The following TWIST2 variants were observed in gnomAD, a reference collection of about 807,000 sequenced individuals.
The protein encoded by TWIST2 is twist-related protein 2.
Under a neutral mutation model 11.6 loss-of-function variants are expected in TWIST2, and 1 was observed. The observed-to-expected ratio is 0.09, with a 90% CI of 0.03 to 0.41. The LOEUF (loss-of-function observed/expected upper bound fraction) is 0.41, where lower values mean the gene tolerates loss of function less well. TWIST2 is among the 10% of genes least tolerant of loss of function. The probability of loss-of-function intolerance (pLI) is 0.98; values close to 1 mark genes in which losing one functional copy is unlikely to be tolerated. For synonymous variants in TWIST2, 87 were observed against 96.6 expected, an observed-to-expected ratio of 0.90 and a Z score of 0.58; for missense variants, 168 against 226.4, an observed-to-expected ratio of 0.74 and a Z score of 1.66.
chr2:238,891,363 C>T (rs1439937532), intron 1 of TWIST2, among the ~76,000 whole-genome samples: 2 of 152,224 alleles, frequency 1.3e-5, no homozygotes, highest in Admixed American at 6.5e-5. Flanking sequence ...TATCACTGGT[C>T]ATGGCTGATG....
Position 238,848,228 on chromosome 2 carries a change from T to A in TWIST2, c.13T>A (p.Ser5Thr), listed in dbSNP as rs1314192968. The change falls in exon 1 of 2, where the codon TCC (serine) becomes ACC (threonine). Residue 5 changes from serine (S) to threonine (T), a missense_variant. Around this residue, in one of 3 missense-constraint regions of TWIST2, gnomAD observed 83 missense variants for 92.7 expected, o/e 0.90. Coordinates refer to ENST00000612363, the MANE Select transcript of TWIST2 (RefSeq NM_001271893.4). ...CCGGGCGGGCGCCATGGAGGAGGGC[T>A]CCAGCTCGCCCGTGTCCCCCGTGGA... is the stretch of plus-strand genomic sequence containing the variant. MEEGSSSPVSPVDSL... is the reference protein window; with the variant it reads MEEGTSSPVSPVDSL... 1 of 1,443,528 alleles carries A rather than the reference T, an allele frequency of 6.9e-7. No individual in the cohort carries two copies. Among genetic ancestry groups the A allele is most frequent in the African/African-American group, 1.5e-5 (1 of 68,586 alleles). The allele number at this position is 1,443,528 out of a possible 1,614,324, so 89.4% of individuals were successfully genotyped here. A position where few individuals can be genotyped will look rare whatever the true frequency, so the allele number is the denominator to read the frequency against.
intron 1 of TWIST2, among the ~76,000 whole-genome samples, chr2:238,905,881 A>C (rs1216392807): frequency 7.0e-6 from 1 of 142,240 alleles, no homozygotes; most frequent in Non-Finnish European, 1.5e-5. Context: ...GTGTGTGTGC[A>C]TGTGCGCGCA....
At chr2:238,895,062 C>T (rs898472916) in intron 1 of TWIST2, among the ~76,000 whole-genome samples, 74 of 152,312 alleles carry the variant, frequency 4.9e-4, no homozygotes, top group African/African-American at 1.6e-3. Flanking sequence ...CGCCCGACAC[C>T]GGCAGCCCTT....
At position 238,885,210 on chromosome 2, in the gene TWIST2, C is replaced by T. The variant is rs779986869; in HGVS notation, c.*36-24632C>T. On this transcript the variant is annotated intron_variant, in intron 1 of 1. Coordinates refer to ENST00000612363, the MANE Select transcript of TWIST2 (RefSeq NM_001271893.4). Reference sequence around the variant, plus strand: ...GGTCTTCTGAGTGGAACCCTGATTCCCGCCCTGCCTCGTTTGCAGGCTGGA... The same window carrying T: ...GGTCTTCTGAGTGGAACCCTGATTCTCGCCCTGCCTCGTTTGCAGGCTGGA... Among the ~76,000 whole-genome samples the T allele has an allele frequency of 1.1e-3, 174 of 152,234 alleles. 1 individual carries two copies. Among genetic ancestry groups the T allele is most frequent in the Middle Eastern group, 3.4e-3 (1 of 294 alleles).
chr2:238,853,974 G>A (rs1174744926), intron 1 of TWIST2, among the ~76,000 whole-genome samples: 2 of 152,126 alleles, frequency 1.3e-5, no homozygotes, highest in Admixed American at 6.5e-5. Context: ...CTCACTGAGC[G>A]GTTTTCTATC....
At chr2:238,906,554 T>TGC (rs1693358584) in intron 1 of TWIST2, among the ~76,000 whole-genome samples, 2 of 151,990 alleles carry the variant, frequency 1.3e-5, no homozygotes, top group African/African-American at 2.4e-5. Flanking sequence ...ACTTACACGA[T>TGC]ACACATGCTC....
At chr2:238,896,379 C>G (rs1693207622) in intron 1 of TWIST2, among the ~76,000 whole-genome samples, 2 of 152,204 alleles carry the variant, frequency 1.3e-5, no homozygotes, top group Admixed American at 6.5e-5. Flanking sequence ...ATCACAGGCT[C>G]CCTGCAGGAC....
At chr2:238,905,928 T>TGC (rs1693341993) in intron 1 of TWIST2, among the ~76,000 whole-genome samples, 1 of 105,002 alleles carries the variant, frequency 9.5e-6, no homozygotes, top group Non-Finnish European at 1.9e-5. Flanking sequence ...CAGGTGTGCG[T>TGC]GTGCGCGTGT....
intron 1 of TWIST2, among the ~76,000 whole-genome samples, chr2:238,855,762 T>G (rs1692318569): frequency 6.6e-6 from 1 of 152,012 alleles, no homozygotes; most frequent in South Asian, 2.1e-4. Context: ...CAGTCACACG[T>G]GGAAATACAG....
Position 238,848,479 on chromosome 2 carries a change from G to C in TWIST2, c.264G>C (p.Ala88=), listed in dbSNP as rs1453133918. The C allele has an allele frequency of 3.2e-6, 5 of 1,575,538 alleles. No homozygotes were observed. The highest frequency in any genetic ancestry group is 4.3e-6 in the Non-Finnish European group (5 of 1,163,014). The change falls in exon 1 of 2, where the codon GCG becomes GCC. Residue 88 remains alanine, a synonymous_variant. Transcript: ENST00000612363. ...RTQSLNEAFA[A]LRKIIPTLPS... is the part of the protein sequence containing the mutation. ...AGTCGCTCAACGAGGCCTTCGCGGC[G>C]CTGCGCAAGATCATCCCCACGCTGC...
intron 1 of TWIST2, among the ~76,000 whole-genome samples, chr2:238,856,922 G>T (rs1692341254): frequency 6.6e-6 from 1 of 152,168 alleles, no homozygotes; most frequent in African/African-American, 2.4e-5. Flanking sequence ...TTCCCTTCCT[G>T]TTTGGTCCCA....
chr2:238,898,626 C>G (rs1022368267), intron 1 of TWIST2, among the ~76,000 whole-genome samples: 10 of 152,252 alleles, frequency 6.6e-5, no homozygotes, highest in Non-Finnish European at 1.5e-4. Flanking sequence ...CCCGAGGGGG[C>G]TGGCTTTGCT....
intron 1 of TWIST2, among the ~76,000 whole-genome samples, chr2:238,859,573 C>CA (rs368480992): frequency 0.15 from 21,945 of 144,884 alleles, 3,225 homozygotes; most frequent in African/African-American, 0.38. Context: ...CTACTATCAC[C>CA]AAAAAAAAAA....
intron 1 of TWIST2, among the ~76,000 whole-genome samples, chr2:238,888,717 T>C (rs1693081992): frequency 6.6e-6 from 1 of 152,236 alleles, no homozygotes; most frequent in African/African-American, 2.4e-5. Flanking sequence ...TTCAGTTCAC[T>C]ATGCAGCTTG....
chr2:238,867,370 A>AACACACACACAC lies in TWIST2; in HGVS notation c.*35+18668_*35+18679dup, dbSNP rs1229428285. Among the ~76,000 whole-genome samples the AACACACACACAC allele has an allele frequency of 0.08, 9,623 of 119,542 alleles. 523 individuals are homozygous for AACACACACACAC. Among genetic ancestry groups the AACACACACACAC allele is most frequent in the Non-Finnish European group, 0.09 (5,285 of 58,818 alleles). 78.4% of individuals were successfully genotyped at this position (119,542 alleles called of 152,430 possible). ...CTGGGGAGTAAAATGTCCTGCCTTC[A>AACACACACACAC]ACACACACACACACACACACACACA... On this transcript the variant is annotated intron_variant, in intron 1 of 1. Coordinates refer to ENST00000612363, the MANE Select transcript of TWIST2 (RefSeq NM_001271893.4). The surrounding 1 kb of genome is among the most constrained non-coding windows in gnomAD (Gnocchi z 4.8).
intron 1 of TWIST2, among the ~76,000 whole-genome samples, chr2:238,862,477 ATAATC>A (rs1692452416): frequency 6.6e-6 from 1 of 152,240 alleles, no homozygotes; most frequent in African/African-American, 2.4e-5. Context: ...AACTTCAACA[ATAATC>A]TAAGGAATTA....
chr2:238,881,536 TGTTA>T (rs1157473549), intron 1 of TWIST2, among the ~76,000 whole-genome samples: 1 of 152,196 alleles, frequency 6.6e-6, no homozygotes, highest in East Asian at 1.9e-4. Context: ...TTAGTGTTGG[TGTTA>T]GTATTTATTA....
Position 238,848,302 on chromosome 2 carries a change from C to T in TWIST2, c.87C>T (p.Phe29=), listed in dbSNP as rs1398655256. ...AGCTCGAGAGGCAGCCCAAGCGCTTCGGCCGGAAGCGGCGCTACAGCAAGA... is the reference window on the plus strand; with the variant it reads ...AGCTCGAGAGGCAGCCCAAGCGCTTTGGCCGGAAGCGGCGCTACAGCAAGA... The part of the protein sequence containing the change: ...EEELERQPKR[F]GRKRRYSKKS... Residue 29 remains phenylalanine, a synonymous_variant, in exon 1 of 2, where the codon TTC becomes TTT. Transcript: ENST00000612363. 2.0e-6 allele frequency: 3 copies of T among 1,533,530 alleles called. No individual in the cohort carries two copies. Among genetic ancestry groups the T allele is most frequent in the Non-Finnish European group, 2.6e-6 (3 of 1,145,386 alleles). The allele number at this position is 1,533,530 out of a possible 1,614,324, so 95.0% of individuals were successfully genotyped here.
Position 238,910,124 on chromosome 2 carries a change from T to C in TWIST2, c.*318T>C, listed in dbSNP as rs1693428759. The C allele has an allele frequency of 6.6e-6, 1 of 152,198 alleles. No individual in the cohort carries two copies. The highest frequency in any genetic ancestry group is 1.9e-4 in the East Asian group (1 of 5,180). 9.4% of individuals were successfully genotyped at this position (152,198 alleles called of 1,614,324 possible). On this transcript the variant is annotated 3_prime_UTR_variant, in exon 2 of 2. Transcript: ENST00000612363. ...CTTATGTTTGGGGGGAGGTTTATTC[T>C]TTCTGAAAATGTCTAGATTCAGGAA...
Sources: allele counts gnomAD v4.1 joint callset (sites outside exome capture counted in the v4.1 genomes callset), GRCh38; gene constraint gnomAD v4.1.1; regional missense constraint gnomAD v4.1.1; non-coding constraint Gnocchi (gnomAD v3.1); transcripts MANE v1.5; gene names NCBI Gene and HGNC (gene_info 2026-07-23, HGNC 2026-07-21).